PRMT8: variants seen among roughly 807,000 people sequenced by gnomAD.
The protein encoded by PRMT8 is protein arginine N-methyltransferase 8.
In PRMT8, 7 loss-of-function variants were observed where a neutral mutation model predicts 47.1. The observed-to-expected ratio is 0.15, with a 90% CI of 0.08 to 0.28. PRMT8 has a LOEUF of 0.28. PRMT8 is among the 10% of genes least tolerant of loss of function. The pLI is 1.00. For missense variants in PRMT8, 237 were observed against 505.4 expected (o/e 0.47, Z 5.09); for synonymous variants, 188 against 186.5 (o/e 1.01, Z -0.07).
chr12:3,407,663 C>T (rs1864386512), intron 1 of PRMT8, among the ~76,000 whole-genome samples: 1 of 152,078 alleles, frequency 6.6e-6, no homozygotes, highest in Non-Finnish European at 1.5e-5. Flanking sequence ...TATGTCTCTC[C>T]CAAGACTTGG....
chr12:3,553,493 G>A (rs916468622), intron 3 of PRMT8, 158 bp from the exon 4 acceptor site: 2 of 658,458 alleles, frequency 3.0e-6, no homozygotes, highest in South Asian at 1.8e-5. Flanking sequence ...GAGGTGGGGG[G>A]GCTGGGTTTC....
At chr12:3,490,945 C>A (rs1865384301), upstream of PRMT8, among the ~76,000 whole-genome samples, 1 of 152,028 alleles carries the variant, frequency 6.6e-6, no homozygotes, top group Non-Finnish European at 1.5e-5. Context: ...GCACGCGCAC[C>A]GGGTCTGAGA....
chr12:3,398,078 G>A (rs976114005), intron 1 of PRMT8, among the ~76,000 whole-genome samples: 2 of 152,140 alleles, frequency 1.3e-5, no homozygotes, highest in Admixed American at 6.5e-5. Flanking sequence ...CGCACGGTGC[G>A]CGCACCCACT....
intron 1 of PRMT8, among the ~76,000 whole-genome samples, chr12:3,455,647 C>T (rs762832784): frequency 8.5e-5 from 13 of 152,148 alleles, no homozygotes; most frequent in African/African-American, 2.9e-4. Flanking sequence ...TGGCCAAGGA[C>T]CTTCACCTCC....
rs559595453 is a variant in PRMT8 at position 3,485,759 on chromosome 12, G to T, written c.49-54847G>T. Among the ~76,000 whole-genome samples, 88 of 152,152 alleles carry T rather than the reference G, an allele frequency of 5.8e-4. No individual in the cohort carries two copies. The South Asian group carries it at 7.1e-3, about 12-fold the overall frequency. The stretch of plus-strand genomic sequence containing the variant: ...ACACACTTTTATATATATAACTTAG[G>T]TCTTATATATATTTGCATGAGCAAA... On this transcript the variant is annotated intron_variant, in intron 1 of 9. Coordinates refer to the PRMT8 transcript ENST00000452611.
chr12:3,498,987 T>C (rs1014515706), intron 1 of PRMT8, among the ~76,000 whole-genome samples: 4 of 152,086 alleles, frequency 2.6e-5, no homozygotes, highest in African/African-American at 9.7e-5. Flanking sequence ...TGCTCAGCCT[T>C]CCTTGGCTAT....
rs548011904 is a variant in PRMT8, at chr12:3,493,782, GAAC to G, written c.75+2091_75+2093del. Among the ~76,000 whole-genome samples, 5 of 152,358 alleles carry G rather than the reference GAAC, an allele frequency of 3.3e-5. No homozygotes were observed. In the East Asian group the frequency reaches 7.7e-4, roughly 24 times the overall value. ...GCAGTAGGGGCGGCCGGGCTCCTGC[GAAC>G]AACAACAAAACAAACAAACAAAAAA... On this transcript the variant is annotated intron_variant, in intron 1 of 9. Transcript: ENST00000382622. This position sits in a 1 kb window ranked among gnomAD's most constrained non-coding sequence, Gnocchi z 8.2.
chr12:3,537,898 C>T (rs1866146245), intron 1 of PRMT8, among the ~76,000 whole-genome samples: 1 of 152,200 alleles, frequency 6.6e-6, no homozygotes, highest in Admixed American at 6.5e-5. Flanking sequence ...CTTGGCCCCT[C>T]CTGTGTGCTG....
chr12:3,385,458 C>T (rs1290837810), intron 1 of PRMT8, among the ~76,000 whole-genome samples: 1 of 152,152 alleles, frequency 6.6e-6, no homozygotes, highest in East Asian at 1.9e-4. Context: ...GGAGGAATTA[C>T]AGAGGGAAGA....
intron 4 of PRMT8, among the ~76,000 whole-genome samples, chr12:3,558,998 C>G (rs1278941573): frequency 6.6e-6 from 1 of 151,220 alleles, no homozygotes; most frequent in African/African-American, 2.4e-5. Context: ...ATCTGTCTAT[C>G]TATCCTGTCT....
chr12:3,512,658 A>G (rs1408406025), intron 1 of PRMT8, among the ~76,000 whole-genome samples: 1 of 152,010 alleles, frequency 6.6e-6, no homozygotes, highest in Non-Finnish European at 1.5e-5. Flanking sequence ...CCTTCTCTCT[A>G]TCCACATTGC....
intron 1 of PRMT8, among the ~76,000 whole-genome samples, chr12:3,388,051 T>TCCTTCCTTCCTC (rs71061113): frequency 1.5e-3 from 206 of 134,532 alleles, no homozygotes; most frequent in Middle Eastern, 3.5e-3. Context: ...TTTCCTTCCT[T>TCCTTCCTTCCTC]CCTCCCTCCC....
chr12:3,479,297 C>A (rs537760589), intron 1 of PRMT8, among the ~76,000 whole-genome samples: 1 of 152,244 alleles, frequency 6.6e-6, no homozygotes, highest in East Asian at 1.9e-4. Flanking sequence ...ACAGAGCCCC[C>A]TCGATCTTCC....
chr12:3,553,492 GGGCT>G lies in PRMT8; in HGVS notation c.418-156_418-153del, dbSNP rs1258655268. On this transcript the variant is annotated intron_variant, in intron 3 of 9. Transcript: ENST00000382622. ...GAAGGCCGCTGGCCTTGAGGTGGGG[GGGCT>G]GGGTTTCGGTTTTCAGTCTGCCACA... 24 of 656,348 alleles carry G rather than the reference GGGCT, an allele frequency of 3.7e-5. 1 individual carries two copies. Among genetic ancestry groups the G allele is most frequent in the Non-Finnish European group, 6.2e-5 (23 of 370,422 alleles). 40.7% of individuals were successfully genotyped at this position (656,348 alleles called of 1,614,324 possible).
At chr12:3,403,321 G>A (rs924401753) in intron 1 of PRMT8, among the ~76,000 whole-genome samples, 2 of 152,044 alleles carry the variant, frequency 1.3e-5, no homozygotes, top group Non-Finnish European at 2.9e-5. Context: ...TATGGGAGGG[G>A]TTGGGGGAAG....
intron 1 of PRMT8, among the ~76,000 whole-genome samples, chr12:3,483,217 C>T (rs1372104139): frequency 6.6e-6 from 1 of 152,198 alleles, no homozygotes. Context: ...CCTGTGGTCA[C>T]TCTCCTGATG....
In PRMT8 at chr12:3,409,639, A is replaced by G. The variant is rs1864406339; in HGVS notation, c.48+28197A>G. On this transcript the variant is annotated intron_variant, in intron 1 of 9. Transcript: ENST00000452611. The surrounding 1 kb of genome is among the most constrained non-coding windows in gnomAD (Gnocchi z 4.4). ...CTTGTTTGGCCTGGGGGCGGGGGTG[A>G]GGTGTCCCATCTCAGTCAATGCTCT... 6.6e-6 allele frequency among the ~76,000 whole-genome samples: 1 copy of G among 151,928 alleles called. No individual in the cohort carries two copies. Among genetic ancestry groups the G allele is most frequent in the African/African-American group, 2.4e-5 (1 of 41,356 alleles).
At chr12:3,490,999 C>A (rs1037963218), upstream of PRMT8, among the ~76,000 whole-genome samples, 33 of 152,098 alleles carry the variant, frequency 2.2e-4, no homozygotes, top group African/African-American at 7.5e-4. Flanking sequence ...CTGGGCCCCC[C>A]GCGCGGGCCT....
chr12:3,443,172 C>A (rs1384027607), intron 1 of PRMT8, among the ~76,000 whole-genome samples: 1 of 152,228 alleles, frequency 6.6e-6, no homozygotes, highest in Non-Finnish European at 1.5e-5. Context: ...GATGACATCT[C>A]ACACTGTGGA....
Sources: gnomAD v4.1 joint callset for allele counts (sites outside exome capture counted in the v4.1 genomes callset) on GRCh38, gnomAD v4.1.1 for gene constraint, Gnocchi (gnomAD v3.1) non-coding constraint, MANE v1.5 for transcripts, NCBI Gene and HGNC (gene_info 2026-07-23, HGNC 2026-07-21) for gene names.